Variants in HCN1 observed in about 807,000 individuals in gnomAD.
The protein encoded by HCN1 is hyperpolarization activated cyclic nucleotide gated potassium channel 1, also known as potassium/sodium hyperpolarization-activated cyclic nucleotide-gated channel 1.
HCN1 carries 13 observed loss-of-function variants against 78.9 expected under a neutral mutation model. That is an observed-to-expected ratio of 0.16 (90% confidence interval 0.11 to 0.26). The LOEUF (loss-of-function observed/expected upper bound fraction) is 0.26, where lower values mean the gene tolerates loss of function less well. Among genes scored for constraint, HCN1 ranks in the 10% least tolerant of loss-of-function variants. HCN1 has a pLI of 1.00. For synonymous variants in HCN1, 552 were observed against 455.5 expected (o/e 1.21, Z -2.70); for missense variants, 810 against 1,154.3 (o/e 0.70, Z 4.32).
intron 2 of HCN1, among the ~76,000 whole-genome samples, chr5:45,633,798 G>A (rs569433186): frequency 6.6e-6 from 1 of 151,968 alleles, no homozygotes; most frequent in African/African-American, 2.4e-5. Flanking sequence ...TTAACTGGTT[G>A]TATAAAATCA....
At chr5:45,582,841 G>C (rs183029967) in intron 2 of HCN1, among the ~76,000 whole-genome samples, 19 of 152,280 alleles carry the variant, frequency 1.2e-4, no homozygotes, top group Middle Eastern at 3.4e-3. Flanking sequence ...TGTGTATGTT[G>C]AACCAGCTTT....
rs546019286 is a variant in HCN1 at position 45,590,807 on chromosome 5, C to CT, written c.849+54377_849+54378insA. Among the ~76,000 whole-genome samples the CT allele has an allele frequency of 1.1e-4, 16 of 152,240 alleles. No homozygotes were observed. The South Asian group carries it at 3.3e-3, about 32-fold the overall frequency. ...TCTTCCTCCATACATATTCATGGCT[C>CT]GATAGCTAGTTACATTGTATTGGTT... On this transcript the variant is annotated intron_variant, in intron 2 of 7. Coordinates refer to ENST00000303230, the MANE Select transcript of HCN1 (RefSeq NM_021072.4).
chr5:45,487,723 A>G (rs1325937153), intron 2 of HCN1, among the ~76,000 whole-genome samples: 2 of 152,098 alleles, frequency 1.3e-5, no homozygotes, highest in Non-Finnish European at 2.9e-5. Context: ...GCATTTTCAA[A>G]ATAATGCAAG....
intron 2 of HCN1, among the ~76,000 whole-genome samples, chr5:45,596,623 A>G (rs1441718691): frequency 6.6e-6 from 1 of 152,146 alleles, no homozygotes; most frequent in Non-Finnish European, 1.5e-5. Flanking sequence ...TGAAGCTATA[A>G]TTTCTCCCTG....
chr5:45,682,627 T>TA (rs1159836845), intron 1 of HCN1, among the ~76,000 whole-genome samples: 1 of 151,550 alleles, frequency 6.6e-6, no homozygotes, highest in African/African-American at 2.4e-5. Context: ...ATTCAAACAG[T>TA]AAAAAAACAA....
At chr5:45,554,309 T>A (rs981262915) in intron 2 of HCN1, among the ~76,000 whole-genome samples, 1 of 151,882 alleles carries the variant, frequency 6.6e-6, no homozygotes, top group Admixed American at 6.6e-5. Context: ...GAAGGTTGAA[T>A]TAGAAGGCTA....
chr5:45,538,386 T>C (rs1743012624), intron 2 of HCN1, among the ~76,000 whole-genome samples: 2 of 152,172 alleles, frequency 1.3e-5, no homozygotes, highest in Admixed American at 1.3e-4. Flanking sequence ...GTATAACAGC[T>C]AAATAGAAAG....
chr5:45,447,627 A>G (rs2111588382), intron 3 of HCN1, among the ~76,000 whole-genome samples: 1 of 152,266 alleles, frequency 6.6e-6, no homozygotes, highest in South Asian at 2.1e-4. Context: ...ATCTTTGTTG[A>G]TCTCAATTTA....
At chr5:45,497,290 T>A (rs953239597) in intron 2 of HCN1, among the ~76,000 whole-genome samples, 6 of 152,170 alleles carry the variant, frequency 3.9e-5, no homozygotes, top group African/African-American at 1.4e-4. Context: ...CTGTCTAATG[T>A]TGACAGTGGG....
chr5:45,515,588 ATATAAGT>A (rs1311857590), intron 2 of HCN1, among the ~76,000 whole-genome samples: 2 of 152,050 alleles, frequency 1.3e-5, no homozygotes, highest in Non-Finnish European at 2.9e-5. Context: ...AATGCCAAGT[ATATAAGT>A]TATAACAGGT....
At chr5:45,438,921 G>T (rs1156986408) in intron 3 of HCN1, among the ~76,000 whole-genome samples, 1 of 151,988 alleles carries the variant, frequency 6.6e-6, no homozygotes, top group Non-Finnish European at 1.5e-5. Context: ...GAAAGAGTAT[G>T]GATTTAAATT....
rs138252231 is a variant in HCN1, at chr5:45,669,166, TGA to T, written c.426-23560_426-23559del. On this transcript the variant is annotated intron_variant, in intron 1 of 7. Coordinates refer to ENST00000303230, the MANE Select transcript of HCN1 (RefSeq NM_021072.4). ...TTAACCATGTGTCAGAGCAAGAAAT[TGA>T]GAGAGTTAGAGCAACTTTAAAGAAA... Among the ~76,000 whole-genome samples, 27 of 151,902 alleles carry T rather than the reference TGA, an allele frequency of 1.8e-4. 1 individual carries two copies. Among genetic ancestry groups the T allele is most frequent in the African/African-American group, 6.3e-4 (26 of 41,478 alleles).
At chr5:45,556,404 G>A (rs1297659083) in intron 2 of HCN1, among the ~76,000 whole-genome samples, 1 of 151,898 alleles carries the variant, frequency 6.6e-6, no homozygotes, top group East Asian at 1.9e-4. Context: ...ACCTTGATAA[G>A]GCCATTGTTC....
chr5:45,468,530 A>AG (rs1741326450), intron 2 of HCN1, among the ~76,000 whole-genome samples: 4 of 152,038 alleles, frequency 2.6e-5, no homozygotes, highest in Non-Finnish European at 5.9e-5. Flanking sequence ...CAGAATTTCT[A>AG]TATATGTTTC....
chr5:45,291,858 A>C (rs555519137), intron 6 of HCN1, among the ~76,000 whole-genome samples: 3 of 152,156 alleles, frequency 2.0e-5, no homozygotes, highest in African/African-American at 7.2e-5. Context: ...CTTTCTGCCC[A>C]AAATATTCTT....
chr5:45,286,433 A>T (rs1015025603), intron 6 of HCN1, among the ~76,000 whole-genome samples: 2 of 152,010 alleles, frequency 1.3e-5, no homozygotes, highest in Non-Finnish European at 2.9e-5. Context: ...AGAACTTTTA[A>T]CATATTTCAA....
rs970674248 is a variant in HCN1, at chr5:45,480,759, G to A, written c.850-18752C>T. Among the ~76,000 whole-genome samples, 36 of 152,110 alleles carry A rather than the reference G, an allele frequency of 2.4e-4. 1 individual carries two copies. Among genetic ancestry groups the A allele is most frequent in the Admixed American group, 2.1e-3 (32 of 15,258 alleles). Reference sequence around the variant, plus strand: ...ACTTTAGTCCCTGATCATTTTTCCAGAGTCAGTAGACTGTAAGAAACCTAC... The same window carrying A: ...ACTTTAGTCCCTGATCATTTTTCCAAAGTCAGTAGACTGTAAGAAACCTAC... On this transcript the variant is annotated intron_variant, in intron 2 of 7. Transcript: ENST00000303230.
chr5:45,674,751 T>C (rs765524634), intron 1 of HCN1, among the ~76,000 whole-genome samples: 1 of 151,640 alleles, frequency 6.6e-6, no homozygotes, highest in Non-Finnish European at 1.5e-5. Context: ...GAATTTAAAA[T>C]AAGAAAGTAT....
intron 3 of HCN1, among the ~76,000 whole-genome samples, chr5:45,421,988 ACT>A (rs1247672571): frequency 1.3e-5 from 2 of 152,200 alleles, no homozygotes; most frequent in Non-Finnish European, 2.9e-5. Context: ...CAGGAAGGTC[ACT>A]CTCTGATCTT....
Sources: gnomAD v4.1 joint callset for allele counts (sites outside exome capture counted in the v4.1 genomes callset) on GRCh38, gnomAD v4.1.1 for gene constraint, MANE v1.5 for transcripts, NCBI Gene and HGNC (gene_info 2026-07-23, HGNC 2026-07-21) for gene names.